The following FER1L6 variants were observed in gnomAD, a reference collection of about 807,000 sequenced individuals.
FER1L6 encodes fer-1-like protein 6.
In FER1L6, 177 loss-of-function variants were observed where a neutral mutation model predicts 219.2. The ratio of observed to expected loss-of-function variants is 0.81; its 90% confidence interval spans 0.71 to 0.91. FER1L6 has a LOEUF of 0.91. FER1L6 is among the 40% of genes least tolerant of loss of function. FER1L6 has a pLI of 0.00. For missense variants in FER1L6, 2,153 were observed against 2,259.9 expected (o/e 0.95, Z 0.96); for synonymous variants, 768 against 824.3 (o/e 0.93, Z 1.17).
chr8:124,104,706 A>G (rs182870488), intron 39 of FER1L6, among the ~76,000 whole-genome samples: 13 of 152,324 alleles, frequency 8.5e-5, no homozygotes, highest in Admixed American at 2.0e-4. Context: ...ATTTCTGTAT[A>G]TTAATAAGCA....
intron 1 of FER1L6, among the ~76,000 whole-genome samples, chr8:123,934,179 C>T (rs1287222288): frequency 1.3e-5 from 2 of 152,120 alleles, no homozygotes; most frequent in Non-Finnish European, 2.9e-5. Flanking sequence ...AGTGGCGCCA[C>T]GTCGATCTCA....
intron 35 of FER1L6, 43 bp from the exon 36 acceptor site, chr8:124,097,228 G>T: frequency 2.1e-6 from 3 of 1,439,128 alleles, no homozygotes; most frequent in Non-Finnish European, 2.9e-6. Flanking sequence ...ATGTCCCCTA[G>T]CCCCCTCCCA....
chr8:123,870,577 T>C (rs745481705), intron 1 of FER1L6, among the ~76,000 whole-genome samples: 19 of 152,202 alleles, frequency 1.2e-4, no homozygotes, highest in Non-Finnish European at 1.0e-4. Context: ...ACAGTATGAT[T>C]CTATTTGTGT....
chr8:123,905,638 T>A (rs1467552166), intron 1 of FER1L6, among the ~76,000 whole-genome samples: 3 of 152,126 alleles, frequency 2.0e-5, no homozygotes, highest in African/African-American at 7.2e-5. Flanking sequence ...AAGTGTGTAG[T>A]CTTGAACAAA....
At position 124,060,237 on chromosome 8, in the gene FER1L6, A is replaced by G; in HGVS notation, c.2932A>G (p.Ile978Val). Reference sequence around the variant, plus strand: ...CGTTGAGCCACCAGACATCACCCAGATCTACCCGGTTCCTGCCAACATTCG... The same window carrying G: ...CGTTGAGCCACCAGACATCACCCAGGTCTACCCGGTTCCTGCCAACATTCG... The part of the protein sequence containing the change: ...PPVEPPDITQ[I>V]YPVPANIRPV... The change falls in exon 23 of 41, where the codon ATC (isoleucine) becomes GTC (valine). Residue 978 changes from isoleucine (I) to valine (V), a missense_variant. Physicochemically the swap from Ile to Val is conservative, Grantham distance 29 (BLOSUM62 3). Coordinates refer to ENST00000522917, the MANE Select transcript of FER1L6 (RefSeq NM_001039112.2). The G allele has an allele frequency of 6.2e-7, 1 of 1,614,132 alleles. No homozygotes were observed. The highest frequency in any genetic ancestry group is 8.5e-7 in the Non-Finnish European group (1 of 1,180,022).
At chr8:124,014,745 T>C (rs750466441) in intron 15 of FER1L6, among the ~76,000 whole-genome samples, 2 of 152,070 alleles carry the variant, frequency 1.3e-5, no homozygotes, top group Non-Finnish European at 1.5e-5. Context: ...GGGCAGACAA[T>C]ATAAAAAAAG....
chr8:124,013,084 T>C (rs1818016171), intron 14 of FER1L6, among the ~76,000 whole-genome samples: 1 of 152,224 alleles, frequency 6.6e-6, no homozygotes, highest in Non-Finnish European at 1.5e-5. Context: ...GGTAATTATA[T>C]CTAATTACTC....
At chr8:123,894,785 G>T (rs1812718199) in intron 1 of FER1L6, among the ~76,000 whole-genome samples, 1 of 152,204 alleles carries the variant, frequency 6.6e-6, no homozygotes, top group African/African-American at 2.4e-5. Context: ...TATGTTGAAA[G>T]GAGTCAGAAG....
At chr8:124,003,378 G>T (rs767476855) in intron 13 of FER1L6, 31 bp downstream of exon 13, 1 of 1,504,620 alleles carries the variant, frequency 6.6e-7, no homozygotes, top group East Asian at 2.5e-5. Context: ...GAACAGTCAA[G>T]GATTTTGCTG....
At chr8:123,928,263 A>G (rs866064382) in intron 1 of FER1L6, among the ~76,000 whole-genome samples, 13 of 152,068 alleles carry the variant, frequency 8.5e-5, no homozygotes, top group African/African-American at 2.9e-4. Context: ...GGTAGAATGG[A>G]CCTTTGTTTT....
At position 124,015,607 on chromosome 8, in the gene FER1L6, A is replaced by ATATATATATATATATATATATATG. The variant is rs71289634; in HGVS notation, c.1923-2012_1923-2011insATATATATATATATGTATATATAT. Among the ~76,000 whole-genome samples, 19 of 88,598 alleles carry ATATATATATATATATATATATATG rather than the reference A, an allele frequency of 2.1e-4. 1 individual carries two copies. Among genetic ancestry groups the ATATATATATATATATATATATATG allele is most frequent in the African/African-American group, 8.2e-4 (19 of 23,256 alleles). 58.1% of individuals were successfully genotyped at this position (88,598 alleles called of 152,430 possible). A position where few individuals can be genotyped will look rare whatever the true frequency, so the allele number is the denominator to read the frequency against. On this transcript the variant is annotated intron_variant, in intron 15 of 40. Transcript: ENST00000522917. ...TATATATATATATATATATATATAT[A>ATATATATATATATATATATATATG]TATATATATTACTCCTGCTGTGAGC...
intron 1 of FER1L6, among the ~76,000 whole-genome samples, chr8:123,904,224 T>TTGTGTGTGTGTGTG (rs56224402): frequency 0.036 from 5,011 of 139,380 alleles, 132 homozygotes; most frequent in Middle Eastern, 0.07. Flanking sequence ...CTCTGTATAT[T>TTGTGTGTGTGTGTG]TGTGTGTGTG....
chr8:123,945,475 C>T (rs1272610199), intron 1 of FER1L6, among the ~76,000 whole-genome samples: 1 of 152,222 alleles, frequency 6.6e-6, no homozygotes, highest in African/African-American at 2.4e-5. Context: ...AAAATGCCTT[C>T]AAAGTTATGT....
chr8:124,065,455 G>A (rs938415271), intron 26 of FER1L6, among the ~76,000 whole-genome samples: 1 of 151,390 alleles, frequency 6.6e-6, no homozygotes, highest in Non-Finnish European at 1.5e-5. Flanking sequence ...CCAGCAAATG[G>A]TAAAGGCTGA....
chr8:124,067,655 A>G lies in FER1L6; in HGVS notation c.3679-112A>G, dbSNP rs1586662517. On this transcript the variant is annotated intron_variant, in intron 27 of 40. Coordinates refer to ENST00000522917, the MANE Select transcript of FER1L6 (RefSeq NM_001039112.2). ...TGGGGGACTGCTTACAGACTGTTTG[A>G]ATACTCTTTTAAAATAGTGTCTCTG... The G allele has an allele frequency of 3.1e-6, 3 of 969,648 alleles. No homozygotes were observed. The East Asian group carries it at 7.8e-5, about 25-fold the overall frequency. The allele number at this position is 969,648 out of a possible 1,614,324, so 60.1% of individuals were successfully genotyped here.
At chr8:124,009,979 T>A (rs537785429) in intron 13 of FER1L6, among the ~76,000 whole-genome samples, 6 of 144,858 alleles carry the variant, frequency 4.1e-5, no homozygotes, top group Non-Finnish European at 9.0e-5. Context: ...TGTCGTAGTT[T>A]GAGGGTCTGC....
intron 15 of FER1L6, among the ~76,000 whole-genome samples, chr8:124,016,590 C>T (rs1818210399): frequency 1.3e-5 from 2 of 152,190 alleles, no homozygotes; most frequent in Admixed American, 1.3e-4. Context: ...GGAACATACA[C>T]CCTCATGTCC....
chr8:123,873,355 T>C (rs913666742), intron 1 of FER1L6, among the ~76,000 whole-genome samples: 5 of 152,192 alleles, frequency 3.3e-5, no homozygotes, highest in Non-Finnish European at 4.4e-5. Context: ...CCCAGTCCCC[T>C]GCATCTTCAT....
At chr8:123,881,072 T>C (rs1280349384) in intron 1 of FER1L6, among the ~76,000 whole-genome samples, 1 of 152,244 alleles carries the variant, frequency 6.6e-6, no homozygotes, top group African/African-American at 2.4e-5. Flanking sequence ...ACTGTTCACC[T>C]TGGGAGTAAT....
Sources: gnomAD v4.1 joint callset for allele counts (sites outside exome capture counted in the v4.1 genomes callset) on GRCh38, gnomAD v4.1.1 for gene constraint, MANE v1.5 for transcripts, NCBI Gene and HGNC (gene_info 2026-07-23, HGNC 2026-07-21) for gene names.